EPHA6: variants seen among roughly 807,000 people sequenced by gnomAD.
EPHA6 encodes ephrin type-A receptor 6.
EPHA6 carries 50 observed loss-of-function variants against 112.0 expected under a neutral mutation model. The ratio of observed to expected loss-of-function variants is 0.45; its 90% confidence interval spans 0.36 to 0.56. The LOEUF (loss-of-function observed/expected upper bound fraction) is 0.56. EPHA6 is among the 20% of genes least tolerant of loss of function. The pLI is 0.00. For synonymous variants in EPHA6, 529 were observed against 490.7 expected (o/e 1.08, Z -1.03); for missense variants, 1,280 against 1,417.4 (o/e 0.90, Z 1.56).
intron 3 of EPHA6, among the ~76,000 whole-genome samples, chr3:97,073,131 CAT>C (rs1188549770): frequency 6.6e-6 from 1 of 152,116 alleles, no homozygotes; most frequent in African/African-American, 2.4e-5. Flanking sequence ...CTCTACACCA[CAT>C]GTGACTTAGA....
intron 5 of EPHA6, among the ~76,000 whole-genome samples, chr3:97,390,383 C>T (rs912039421): frequency 5.9e-5 from 9 of 151,846 alleles, no homozygotes; most frequent in Non-Finnish European, 1.0e-4. Flanking sequence ...AGCACGTTCT[C>T]CCTTTCTGTG....
chr3:97,324,461 CTT>C, intron 5 of EPHA6, among the ~76,000 whole-genome samples: 2 of 138,918 alleles, frequency 1.4e-5, no homozygotes, highest in Non-Finnish European at 1.6e-5. Context: ...TTCTTTCTTT[CTT>C]TCTTTCTTTT....
chr3:97,276,224 C>T (rs148619988), intron 5 of EPHA6, among the ~76,000 whole-genome samples: 98 of 152,208 alleles, frequency 6.4e-4, no homozygotes, highest in East Asian at 5.6e-3. Context: ...GCTTCCGAGG[C>T]GATCGGGCAG....
At chr3:96,924,306 G>T (rs1475408153) in intron 2 of EPHA6, among the ~76,000 whole-genome samples, 1 of 152,022 alleles carries the variant, frequency 6.6e-6, no homozygotes, top group Non-Finnish European at 1.5e-5. Context: ...ATTTGTTTGT[G>T]TCGTCTCTGA....
At chr3:97,136,080 T>C (rs2075761945) in intron 3 of EPHA6, among the ~76,000 whole-genome samples, 1 of 152,172 alleles carries the variant, frequency 6.6e-6, no homozygotes, top group African/African-American at 2.4e-5. Context: ...AATTTGGAAG[T>C]ACTCCACAGA....
At chr3:97,677,084 T>G (rs1345120556) in intron 14 of EPHA6, among the ~76,000 whole-genome samples, 1 of 152,184 alleles carries the variant, frequency 6.6e-6, no homozygotes, top group Non-Finnish European at 1.5e-5. Flanking sequence ...TACTCATTCT[T>G]CATTTTTAAA....
chr3:97,572,921 A>G (rs755027193), intron 11 of EPHA6, among the ~76,000 whole-genome samples: 19 of 152,230 alleles, frequency 1.2e-4, no homozygotes, highest in Non-Finnish European at 1.8e-4. Flanking sequence ...TGTAGGTGGC[A>G]AAGTCATGAG....
chr3:97,542,163 A>G (rs1414124810), intron 11 of EPHA6, among the ~76,000 whole-genome samples: 1 of 151,322 alleles, frequency 6.6e-6, no homozygotes, highest in Non-Finnish European at 1.5e-5. Context: ...ACATACGTAT[A>G]CATGTGCCAT....
chr3:97,231,365 A>G (rs1232990689), intron 4 of EPHA6, among the ~76,000 whole-genome samples: 2 of 152,192 alleles, frequency 1.3e-5, no homozygotes, highest in Non-Finnish European at 2.9e-5. Context: ...TTTTAAAGCC[A>G]GATTTTCTCA....
intron 2 of EPHA6, among the ~76,000 whole-genome samples, chr3:96,899,027 C>CAA (rs556213009): frequency 2.6e-5 from 3 of 114,912 alleles, no homozygotes; most frequent in East Asian, 5.1e-4. Context: ...AACTCCATCT[C>CAA]AAAAAAAAAA....
chr3:97,539,262 G>T, intron 11 of EPHA6, among the ~76,000 whole-genome samples: 1 of 150,162 alleles, frequency 6.7e-6, no homozygotes, highest in East Asian at 2.0e-4. Context: ...ATTCTCCTGC[G>T]GCAGCCTCCT....
chr3:97,738,776 A>C (rs1439550546), intron 16 of EPHA6, among the ~76,000 whole-genome samples: 2 of 152,078 alleles, frequency 1.3e-5, no homozygotes, highest in African/African-American at 4.8e-5. Flanking sequence ...GGGAAACCAA[A>C]TTGAAGTTTT....
At chr3:97,083,120 A>G (rs2108204895) in intron 3 of EPHA6, among the ~76,000 whole-genome samples, 1 of 152,044 alleles carries the variant, frequency 6.6e-6, no homozygotes, top group Non-Finnish European at 1.5e-5. Context: ...GTTGTGCTTA[A>G]TCTCCTTCAA....
At chr3:97,728,664 G>C (rs1281811347) in intron 15 of EPHA6, among the ~76,000 whole-genome samples, 1 of 152,074 alleles carries the variant, frequency 6.6e-6, no homozygotes, top group South Asian at 2.1e-4. Flanking sequence ...GAGGTGAAAG[G>C]TACTATTGCA....
intron 12 of EPHA6, among the ~76,000 whole-genome samples, chr3:97,594,654 T>C (rs972683799): frequency 6.6e-6 from 1 of 152,206 alleles, no homozygotes; most frequent in Admixed American, 6.5e-5. Context: ...AGATTTTTTT[T>C]ATATTTTGTG....
chr3:96,976,501 A>C (rs2042529348), intron 2 of EPHA6, among the ~76,000 whole-genome samples: 1 of 152,202 alleles, frequency 6.6e-6, no homozygotes, highest in Non-Finnish European at 1.5e-5. Flanking sequence ...ACGTTAAAAA[A>C]AGGCTTTTAA....
At chr3:97,277,087 G>A (rs941523571) in intron 5 of EPHA6, among the ~76,000 whole-genome samples, 1 of 152,114 alleles carries the variant, frequency 6.6e-6, no homozygotes, top group African/African-American at 2.4e-5. Context: ...AAGGAAGAAA[G>A]ACTCAGTGAC....
chr3:97,664,857 T>C (rs1394327477), intron 14 of EPHA6, among the ~76,000 whole-genome samples: 2 of 152,164 alleles, frequency 1.3e-5, no homozygotes, highest in Non-Finnish European at 2.9e-5. Context: ...TGCTGATGGA[T>C]AGGAAGAATC....
chr3:96,978,096 G>C (rs748113528), intron 2 of EPHA6, among the ~76,000 whole-genome samples: 2 of 152,168 alleles, frequency 1.3e-5, no homozygotes, highest in Non-Finnish European at 2.9e-5. Flanking sequence ...GGACATGGAG[G>C]TTGCAGTGAC....
Sources: allele counts gnomAD v4.1 joint callset (sites outside exome capture counted in the v4.1 genomes callset), GRCh38; gene constraint gnomAD v4.1.1; transcripts MANE v1.5; gene names NCBI Gene and HGNC (gene_info 2026-07-23, HGNC 2026-07-21).